The following TRIM24 variants were observed in gnomAD, a reference collection of about 807,000 sequenced individuals.
TRIM24 encodes the protein tripartite motif containing 24.
Under a neutral mutation model 123.9 loss-of-function variants are expected in TRIM24, and 29 were observed. The ratio of observed to expected loss-of-function variants is 0.23; its 90% CI spans 0.17 to 0.32. TRIM24 has a LOEUF of 0.32. Ranked by LOEUF, TRIM24 falls within the 10% of genes least tolerant of loss-of-function variation. The pLI, the probability that TRIM24 is intolerant of heterozygous loss-of-function variation, is 1.00. For synonymous variants in TRIM24, 456 were observed against 461.1 expected (o/e 0.99, Z 0.14); for missense variants, 932 against 1,295.3 (o/e 0.72, Z 4.31).
chr7:138,536,816 G>A (rs1218879784), intron 6 of TRIM24, among the ~76,000 whole-genome samples: 3 of 152,206 alleles, frequency 2.0e-5, no homozygotes, highest in African/African-American at 2.4e-5. Flanking sequence ...CCCAGAGGTG[G>A]CGTCTGCAGA....
intron 1 of TRIM24, among the ~76,000 whole-genome samples, chr7:138,482,119 T>C (rs1344229807): frequency 6.6e-6 from 1 of 152,166 alleles, no homozygotes; most frequent in Non-Finnish European, 1.5e-5. Flanking sequence ...GCCACACTTT[T>C]TTTTCCTTTT....
intron 7 of TRIM24, among the ~76,000 whole-genome samples, chr7:138,549,100 A>G (rs867404171): frequency 3.9e-4 from 60 of 152,338 alleles, no homozygotes; most frequent in Middle Eastern, 3.4e-3. Flanking sequence ...AACTGGCAGC[A>G]CTGTAGGTTT....
intron 6 of TRIM24, among the ~76,000 whole-genome samples, chr7:138,532,342 G>T (rs530498127): frequency 6.6e-6 from 1 of 152,036 alleles, no homozygotes; most frequent in Non-Finnish European, 1.5e-5. Flanking sequence ...GGTTTTTATG[G>T]TTTTAGGTCT....
intron 7 of TRIM24, among the ~76,000 whole-genome samples, chr7:138,544,730 C>A (rs1267511027): frequency 6.6e-6 from 1 of 152,172 alleles, no homozygotes; most frequent in East Asian, 1.9e-4. Flanking sequence ...GATGATAGCT[C>A]ATTGTGGTCT....
rs761035480 is a variant in TRIM24, at chr7:138,567,471, T to C, written c.1531-10T>C. ...ATTGTTACTAAATTGGTTTAATTTC[T>C]TTTTTCTAGCAACCGCCTCCACGTT... On this transcript the variant is annotated splice_polypyrimidine_tract_variant and intron_variant, in intron 9 of 18. Transcript: ENST00000343526. 6.3e-7 allele frequency: 1 copy of C among 1,597,778 alleles called. No individual in the cohort carries two copies. The highest frequency in any genetic ancestry group is 8.5e-7 in the Non-Finnish European group (1 of 1,173,888).
Position 138,570,998 on chromosome 7 carries a change from C to T in TRIM24, c.1873C>T (p.Pro625Ser), listed in dbSNP as rs1475285095. The change falls in exon 11 of 19, where the codon CCG (proline) becomes TCG (serine). Residue 625 changes from proline to serine, a missense_variant. Physicochemically the swap from Pro to Ser is moderately conservative, Grantham distance 74. Around this residue, in one of 7 missense-constraint regions of TRIM24, gnomAD observed 527 missense variants for 691.3 expected, o/e 0.76. Transcript: ENST00000343526. ...AGGGTCTTATAATCTTCCCTCTCTT[C>T]CGGATGTAAGTAGACACAAAATTTA... ...VGGSYNLPSLPDIDCSSTIML... is the reference protein window; with the variant it reads ...VGGSYNLPSLSDIDCSSTIML... The T allele has an allele frequency of 1.9e-6, 3 of 1,613,764 alleles. No homozygotes were observed. Among genetic ancestry groups the T allele is most frequent in the East Asian group, 2.2e-5 (1 of 44,874 alleles).
chr7:138,504,809 G>A (rs1430445997), intron 2 of TRIM24, among the ~76,000 whole-genome samples: 5 of 149,116 alleles, frequency 3.4e-5, no homozygotes, highest in Non-Finnish European at 5.9e-5. Context: ...TGCCCAGGCT[G>A]GAGTACAGTG....
chr7:138,477,750 A>G (rs769656634), intron 1 of TRIM24, among the ~76,000 whole-genome samples: 3 of 152,176 alleles, frequency 2.0e-5, no homozygotes, highest in Non-Finnish European at 4.4e-5. Flanking sequence ...ATCATTAGGC[A>G]TAGAAATTCT....
chr7:138,556,967 A>G (rs1797327846), intron 9 of TRIM24, among the ~76,000 whole-genome samples: 1 of 152,242 alleles, frequency 6.6e-6, no homozygotes, highest in Non-Finnish European at 1.5e-5. Flanking sequence ...AGGCAGAACA[A>G]AGGCAGTTTG....
chr7:138,545,091 G>A (rs1482940017), intron 7 of TRIM24, among the ~76,000 whole-genome samples: 2 of 152,070 alleles, frequency 1.3e-5, no homozygotes, highest in Non-Finnish European at 2.9e-5. Context: ...AAACATAAAT[G>A]AATTTCATGT....
chr7:138,580,646 A>G lies in TRIM24; in HGVS notation c.2670A>G (p.Glu890=), dbSNP rs143547161. 1.1e-3 allele frequency: 1,784 copies of G among 1,613,968 alleles called. 6 individuals carry two copies. In the Middle Eastern group the frequency reaches 0.013, roughly 12 times the overall value. ...GTGATGCTCCCAGTCACAACTCAGA[A>G]AAAAAGAAAACTGAAGGCCTTGTTA... The part of the protein sequence containing the change: ...YDCDAPSHNS[E]KKKTEGLVKL... Residue 890 remains glutamate (E), a synonymous_variant, in exon 16 of 19, where the codon GAA becomes GAG. Transcript: ENST00000343526.
chr7:138,525,355 C>G lies in TRIM24; in HGVS notation c.879C>G (p.Asn293Lys). 1.4e-6 allele frequency: 2 copies of G among 1,462,334 alleles called. No homozygotes were observed. Among genetic ancestry groups the G allele is most frequent in the Non-Finnish European group, 1.8e-6 (2 of 1,094,274 alleles). 90.6% of individuals were successfully genotyped at this position (1,462,334 alleles called of 1,614,324 possible). ...YIKFTGNQIQ[N>K]RIIEVNQNQK... ...AATTCACAGGAAATCAGATCCAAAA[C>G]AGGTAATTTTATGGTATTATGTAAT... The change falls in exon 5 of 19, where the codon AAC (asparagine) becomes AAG (lysine). Residue 293 changes from asparagine to lysine, a missense_variant and splice_region_variant. Asn to Lys is a moderately conservative substitution (Grantham distance 94, BLOSUM62 0). This residue lies in a region of TRIM24 where 527 missense variants were observed against 691.3 expected (regional missense o/e 0.76). Transcript: ENST00000343526.
At chr7:138,533,054 CA>C (rs1796782613) in intron 6 of TRIM24, among the ~76,000 whole-genome samples, 1 of 152,274 alleles carries the variant, frequency 6.6e-6, no homozygotes, top group African/African-American at 2.4e-5. Flanking sequence ...GATTTTTGCA[CA>C]TTGATTTTGT....
chr7:138,547,420 A>G (rs1180320121), intron 7 of TRIM24, among the ~76,000 whole-genome samples: 1 of 152,260 alleles, frequency 6.6e-6, no homozygotes, highest in Admixed American at 6.5e-5. Context: ...AAATAAGTAT[A>G]TGAGGTAATA....
chr7:138,506,980 G>T (rs937134365), intron 2 of TRIM24, among the ~76,000 whole-genome samples: 1 of 152,156 alleles, frequency 6.6e-6, no homozygotes, highest in Admixed American at 6.6e-5. Flanking sequence ...TGTGGAAGGT[G>T]AGAGATGTTT....
chr7:138,474,327 A>G (rs1177478044), intron 1 of TRIM24, among the ~76,000 whole-genome samples: 1 of 151,640 alleles, frequency 6.6e-6, no homozygotes, highest in African/African-American at 2.4e-5. Flanking sequence ...GGGTTTCACC[A>G]TGTTAGCCAG....
intron 2 of TRIM24, among the ~76,000 whole-genome samples, chr7:138,511,272 G>GT (rs943052021): frequency 1.9e-4 from 29 of 151,904 alleles, no homozygotes; most frequent in African/African-American, 6.8e-4. Context: ...CCAAAAGAGG[G>GT]TGGGAGGTGC....
chr7:138,490,179 C>G (rs1202291371), intron 1 of TRIM24, among the ~76,000 whole-genome samples: 3 of 152,166 alleles, frequency 2.0e-5, no homozygotes, highest in Admixed American at 6.6e-5. Context: ...ACCTAGTTCT[C>G]ATGCCATGGT....
intron 1 of TRIM24, among the ~76,000 whole-genome samples, chr7:138,485,087 A>G (rs1251213272): frequency 1.3e-5 from 2 of 151,980 alleles, no homozygotes; most frequent in East Asian, 1.9e-4. Flanking sequence ...TCTTTCCTCA[A>G]TATGGATTTT....
Sources: gnomAD v4.1 joint callset for allele counts (sites outside exome capture counted in the v4.1 genomes callset) on GRCh38, gnomAD v4.1.1 for gene constraint, gnomAD v4.1.1 regional missense constraint, MANE v1.5 for transcripts, NCBI Gene and HGNC (gene_info 2026-07-23, HGNC 2026-07-21) for gene names.